The following DDX56 variants were observed in gnomAD, a reference collection of about 807,000 sequenced individuals.
The protein encoded by DDX56 is DEAD-box helicase 56.
Under a neutral mutation model 61.5 loss-of-function variants are expected in DDX56, and 45 were observed. The ratio of observed to expected loss-of-function variants is 0.73; its 90% confidence interval spans 0.58 to 0.94. The LOEUF is 0.94. Among genes scored for constraint, DDX56 ranks in the 40% least tolerant of loss-of-function variants. The probability of loss-of-function intolerance (pLI) is 0.00; values close to 1 mark genes in which losing one functional copy is unlikely to be tolerated. For synonymous variants in DDX56, 273 were observed against 268.3 expected, an observed-to-expected ratio of 1.02 and a Z score of -0.17; for missense variants, 708 against 690.7, an observed-to-expected ratio of 1.02 and a Z score of -0.28.
Position 44,569,054 on chromosome 7 carries a change from G to A in DDX56, c.1294-62C>T, listed in dbSNP as rs771314930. On this transcript the variant is annotated intron_variant, in intron 10 of 13. Transcript: ENST00000258772. ...GCCCCAAATCCTCCCTTCACACCTG[G>A]ATGCTCAGCAAGACGGTGCAATCCC... 2.5e-6 allele frequency: 4 copies of A among 1,611,052 alleles called. No homozygotes were observed. In the African/African-American group the frequency reaches 5.3e-5, roughly 22 times the overall value.
rs756269504 is a variant in DDX56 at position 44,569,249 on chromosome 7, G to C, written c.1220-46C>G. The C allele has an allele frequency of 4.4e-5, 70 of 1,575,642 alleles. No homozygotes were observed. In the South Asian group the frequency reaches 7.6e-4, roughly 17 times the overall value. ...AGGGTCCCACAGGCTGAGGCCTTAG[G>C]ATAGGGTCTTCATTGGAGGCCTCCT... On this transcript the variant is annotated intron_variant, in intron 9 of 13. Transcript: ENST00000258772.
Position 44,569,146 on chromosome 7 carries a change from A to C in DDX56, c.1277T>G (p.Phe426Cys). 6.2e-7 allele frequency: 1 copy of C among 1,614,118 alleles called. No homozygotes were observed. The highest frequency in any genetic ancestry group is 1.1e-5 in the South Asian group (1 of 91,082). Residue 426 changes from phenylalanine (F) to cysteine (C), a missense_variant, in exon 10 of 14, where the codon TTC becomes TGC. By Grantham distance (205) the Phe-to-Cys change is radical. Transcript: ENST00000258772. ...YQFRMEEIEG[F>C]RYRCRDAMRS... ...GCAGCTCACCCTGCAGCGATAGCGG[A>C]AGCCCTCGATCTCCTCCATCCGGAA...
intron 12 of DDX56, 96 bp downstream of exon 12, chr7:44,568,022 C>G: frequency 3.1e-6 from 3 of 964,232 alleles, no homozygotes; most frequent in Non-Finnish European, 4.9e-6. Flanking sequence ...TCTGCCTGAG[C>G]ATCCCCAGCA....
Position 44,572,556 on chromosome 7 carries a change from C to G in DDX56, c.554+18G>C. On this transcript the variant is annotated intron_variant, in intron 4 of 13. Transcript: ENST00000258772. The stretch of plus-strand genomic sequence containing the variant: ...TCACAGATGTTTCCACTAGGAATCA[C>G]ACCCACCTCTGCCTTACCAGAGGAG... 1.2e-6 allele frequency: 2 copies of G among 1,613,878 alleles called. No homozygotes were observed. Among genetic ancestry groups the G allele is most frequent in the Non-Finnish European group, 1.7e-6 (2 of 1,179,882 alleles).
rs899364789 is a variant in DDX56 at position 44,566,492 on chromosome 7, G to A, written c.1522C>T (p.His508Tyr). ...GAAGACAGCTTCTTCCGCTTCTTGT[G>A]AGGGCGCACCAGGCCACGGAGAGCA... ...PPALRGLVRPHKKRKKLSSSC... is the reference protein window; with the variant it reads ...PPALRGLVRPYKKRKKLSSSC... The change falls in exon 13 of 14, where the codon CAC becomes TAC. Residue 508 changes from histidine (H) to tyrosine (Y), a missense_variant. By Grantham distance (83) the His-to-Tyr change is moderately conservative. Coordinates refer to ENST00000258772, the MANE Select transcript of DDX56 (RefSeq NM_019082.4). The A allele has an allele frequency of 1.3e-6, 2 of 1,568,160 alleles. No homozygotes were observed. The highest frequency in any genetic ancestry group is 2.4e-5 in the East Asian group (1 of 41,898).
intron 7 of DDX56, 91 bp from the exon 8 acceptor site, chr7:44,570,219 G>A: frequency 4.0e-6 from 6 of 1,489,042 alleles, no homozygotes; most frequent in Non-Finnish European, 5.5e-6. Context: ...CTAAATGCCT[G>A]TAGATCATAA....
intron 7 of DDX56, among the ~76,000 whole-genome samples, 167 bp from the exon 8 acceptor site, chr7:44,570,295 G>C (rs934561143): frequency 6.6e-6 from 1 of 152,218 alleles, no homozygotes; most frequent in African/African-American, 2.4e-5. Flanking sequence ...TCCTGGGGCA[G>C]CCTGGAGCTT....
chr7:44,566,491 T>C lies in DDX56; in HGVS notation c.1523A>G (p.His508Arg). The change falls in exon 13 of 14, where the codon CAC (histidine) becomes CGC (arginine). Residue 508 changes from histidine (H) to arginine (R), a missense_variant. By Grantham distance (29) the His-to-Arg change is conservative. Coordinates refer to ENST00000258772, the MANE Select transcript of DDX56 (RefSeq NM_019082.4). ...GGAAGACAGCTTCTTCCGCTTCTTG[T>C]GAGGGCGCACCAGGCCACGGAGAGC... ...PPALRGLVRPHKKRKKLSSSC... is the reference protein window; with the variant it reads ...PPALRGLVRPRKKRKKLSSSC... 1 of 1,568,574 alleles carries C rather than the reference T, an allele frequency of 6.4e-7. No homozygotes were observed.
Position 44,570,823 on chromosome 7 carries a change from A to G in DDX56, c.945T>C (p.Thr315=), listed in dbSNP as rs1420284571. 6.2e-7 allele frequency: 1 copy of G among 1,613,900 alleles called. No homozygotes were observed. Among genetic ancestry groups the G allele is most frequent in the Non-Finnish European group, 8.5e-7 (1 of 1,179,910 alleles). Residue 315 remains threonine, a synonymous_variant, in exon 7 of 14, where the codon ACT becomes ACC. Coordinates refer to ENST00000258772, the MANE Select transcript of DDX56 (RefSeq NM_019082.4). ...NQGFYDCVIA[T]DAEVLGAPVK... Reference sequence around the variant, plus strand: ...CTGGGGCCCCCAGGACTTCAGCATCAGTTGCTATGACACAGTCGTAGAAGC... The same window carrying G: ...CTGGGGCCCCCAGGACTTCAGCATCGGTTGCTATGACACAGTCGTAGAAGC...
chr7:44,568,287 C>G, intron 11 of DDX56, 64 bp from the exon 12 acceptor site: 1 of 1,210,982 alleles, frequency 8.3e-7, no homozygotes, highest in Non-Finnish European at 1.2e-6. Context: ...ACAGACCTAG[C>G]TTTTCAAAGG....
chr7:44,572,095 G>C lies in DDX56; in HGVS notation c.645+252C>G, dbSNP rs182370273. ...TAGAATTTTGGCTCTGCTGCTCAAA[G>C]CTGCCCCTTAGGGGAGGTCCTTGCT... On this transcript the variant is annotated intron_variant, in intron 5 of 13. Coordinates refer to ENST00000258772, the MANE Select transcript of DDX56 (RefSeq NM_019082.4). Among the ~76,000 whole-genome samples, 9 of 152,348 alleles carry C rather than the reference G, an allele frequency of 5.9e-5. No individual in the cohort carries two copies. In the East Asian group the frequency reaches 1.7e-3, roughly 29 times the overall value.
In DDX56 at chr7:44,570,782, C is replaced by T. The variant is rs758948480; in HGVS notation, c.986G>A (p.Arg329Gln). 46 of 1,613,278 alleles carry T rather than the reference C, an allele frequency of 2.9e-5. No homozygotes were observed. The highest frequency in any genetic ancestry group is 5.5e-5 in the South Asian group (5 of 91,078). ...CTTGTCCCCTTTGGGCCCTCGGCCC[C>T]GACGCTTGCCCTTGACTGGGGCCCC... is the stretch of plus-strand genomic sequence containing the variant. ...VLGAPVKGKR[R>Q]GRGPKGDKAS... The change falls in exon 7 of 14, where the codon CGG (arginine) becomes CAG (glutamine). Residue 329 changes from arginine (R) to glutamine (Q), a missense_variant. Physicochemically the swap from Arg to Gln is conservative, Grantham distance 43. Transcript: ENST00000258772.
At position 44,573,908 on chromosome 7, in the gene DDX56, T is replaced by C. The variant is rs1802748681; in HGVS notation, c.-13A>G. The C allele has an allele frequency of 6.2e-7, 1 of 1,612,724 alleles. No homozygotes were observed. The highest frequency in any genetic ancestry group is 1.1e-5 in the South Asian group (1 of 91,072). ...CAGAGTCCTCCATGGCGCTGCTCAGTAGCGCAGCACGCACGCGCTGCAGGA... is the reference window on the plus strand; with the variant it reads ...CAGAGTCCTCCATGGCGCTGCTCAGCAGCGCAGCACGCACGCGCTGCAGGA... On this transcript the variant is annotated 5_prime_UTR_variant, in exon 1 of 14. Transcript: ENST00000258772.
rs900255076 is a variant in DDX56, at chr7:44,565,954, T to A, written c.*48A>T. ...GAGCCTCGCCTGTCCACGAAGGGTG[T>A]AAGCCTGTGCTCCACAATGTGCTCA... On this transcript the variant is annotated 3_prime_UTR_variant, in exon 14 of 14. Coordinates refer to ENST00000258772, the MANE Select transcript of DDX56 (RefSeq NM_019082.4). The A allele has an allele frequency of 1.4e-6, 2 of 1,439,468 alleles. No homozygotes were observed. The highest frequency in any genetic ancestry group is 1.9e-6 in the Non-Finnish European group (2 of 1,027,646). The allele number at this position is 1,439,468 out of a possible 1,614,324, so 89.2% of individuals were successfully genotyped here.
At position 44,566,457 on chromosome 7, in the gene DDX56, C is replaced by T. The variant is rs1195559945; in HGVS notation, c.1557G>A (p.Arg519=). 2.6e-6 allele frequency: 4 copies of T among 1,556,654 alleles called. No homozygotes were observed. The African/African-American group carries it at 5.5e-5, about 21-fold the overall frequency. Residue 519 remains arginine (R), a synonymous_variant, in exon 13 of 14, where the codon AGG becomes AGA. Coordinates refer to ENST00000258772, the MANE Select transcript of DDX56 (RefSeq NM_019082.4). ...KKRKKLSSSC[R]KAKRAKSQNP... ...TCCCCAGGAGCCGTACCTTGGCCTT[C>T]CTACAAGAGGAAGACAGCTTCTTCC...
chr7:44,568,164 G>A lies in DDX56; in HGVS notation c.1443C>T (p.His481=), dbSNP rs568117715. The part of the protein sequence containing the change: ...LQLLRHDLPL[H]PAVVKPHLGH... ...CCAGGTGGGGCTTCACCACTGCGGGGTGCAAAGGTAGGTCATGCCGCAGCA... is the reference window on the plus strand; with the variant it reads ...CCAGGTGGGGCTTCACCACTGCGGGATGCAAAGGTAGGTCATGCCGCAGCA... Residue 481 remains histidine (H), a synonymous_variant, in exon 12 of 14, where the codon CAC becomes CAT. Transcript: ENST00000258772. 1,340 of 1,614,162 alleles carry A rather than the reference G, an allele frequency of 8.3e-4. 23 individuals carry two copies. In the South Asian group the frequency reaches 0.014, roughly 17 times the overall value.
In DDX56 at chr7:44,572,889, C is replaced by T; in HGVS notation, c.383+1G>A. On this transcript the variant is annotated splice_donor_variant, in intron 3 of 13. Coordinates refer to ENST00000258772, the MANE Select transcript of DDX56 (RefSeq NM_019082.4). LOFTEE classifies it high-confidence loss of function. ...GGTACAGCTTTGCTGCTTTTACCCACCTCTGAGAGACTGAGTCTTCAGCAG... is the reference window on the plus strand; with the variant it reads ...GGTACAGCTTTGCTGCTTTTACCCATCTCTGAGAGACTGAGTCTTCAGCAG... 6.3e-7 allele frequency: 1 copy of T among 1,589,060 alleles called. No individual in the cohort carries two copies.
chr7:44,569,705 C>A, intron 9 of DDX56, 104 bp downstream of exon 9: 2 of 990,584 alleles, frequency 2.0e-6, no homozygotes, highest in Non-Finnish European at 3.1e-6. Flanking sequence ...GTGGAAGTGG[C>A]CTGTCACACT....
chr7:44,573,455 C>T (rs993581916), intron 2 of DDX56, 128 bp downstream of exon 2: 2 of 1,262,826 alleles, frequency 1.6e-6, no homozygotes, highest in Non-Finnish European at 2.2e-6. Context: ...TTTGCCACAA[C>T]AGCACCAGGT....
Sources: allele counts gnomAD v4.1 joint callset (sites outside exome capture counted in the v4.1 genomes callset), GRCh38; gene constraint gnomAD v4.1.1; transcripts MANE v1.5; gene names NCBI Gene and HGNC (gene_info 2026-07-23, HGNC 2026-07-21).